EPHA4: variants seen among roughly 807,000 people sequenced by gnomAD.
EPHA4 encodes ephrin type-A receptor 4.
A neutral mutation model predicts 108.3 loss-of-function variants in EPHA4; 19 were observed. The ratio of observed to expected loss-of-function variants is 0.18; its 90% confidence interval spans 0.12 to 0.26. The LOEUF is 0.26. Among genes scored for constraint, EPHA4 ranks in the 10% least tolerant of loss-of-function variants. The pLI is 1.00. For synonymous variants in EPHA4, 449 were observed against 455.5 expected (o/e 0.99, Z 0.18); for missense variants, 917 against 1,254.0 (o/e 0.73, Z 4.06).
At chr2:221,513,255 C>T (rs1212037334) in intron 3 of EPHA4, among the ~76,000 whole-genome samples, 1 of 152,184 alleles carries the variant, frequency 6.6e-6, no homozygotes, top group Non-Finnish European at 1.5e-5. Flanking sequence ...ATATCTTACA[C>T]TTGCTCAGCT....
At chr2:221,553,221 A>G (rs1694213398) in intron 3 of EPHA4, among the ~76,000 whole-genome samples, 1 of 152,238 alleles carries the variant, frequency 6.6e-6, no homozygotes, top group Non-Finnish European at 1.5e-5. Flanking sequence ...TCATTCATCA[A>G]AAGCAATAAT....
intron 5 of EPHA4, among the ~76,000 whole-genome samples, chr2:221,459,291 C>CA (rs1691067767): frequency 7.1e-6 from 1 of 141,170 alleles, no homozygotes. Context: ...AACAGGCGCA[C>CA]ACACACACAC....
chr2:221,483,606 C>T (rs542011772), intron 4 of EPHA4, among the ~76,000 whole-genome samples: 4 of 151,832 alleles, frequency 2.6e-5, no homozygotes, highest in Admixed American at 1.3e-4. Flanking sequence ...ACTTTCACCT[C>T]CCAGGTTCAA....
At chr2:221,430,205 G>C (rs1690031623) in intron 14 of EPHA4, 54 bp from the exon 15 acceptor site, 3 of 1,528,250 alleles carry the variant, frequency 2.0e-6, no homozygotes, top group Non-Finnish European at 1.8e-6. Context: ...TGCTGTTCAA[G>C]GTTCACCCTT....
chr2:221,495,242 G>C (rs1692266015), intron 4 of EPHA4, among the ~76,000 whole-genome samples: 1 of 152,168 alleles, frequency 6.6e-6, no homozygotes. Context: ...TCCATGAAGG[G>C]AGAATGATCA....
intron 3 of EPHA4, among the ~76,000 whole-genome samples, chr2:221,536,427 G>A (rs752723672): frequency 6.6e-5 from 10 of 152,184 alleles, no homozygotes; most frequent in African/African-American, 1.7e-4. Flanking sequence ...CCAGATTACC[G>A]GCCTTACGAT....
At chr2:221,486,022 T>C (rs1267126085) in intron 4 of EPHA4, among the ~76,000 whole-genome samples, 1 of 152,214 alleles carries the variant, frequency 6.6e-6, no homozygotes, top group Non-Finnish European at 1.5e-5. Flanking sequence ...ATGTAAGTAT[T>C]GTGTCTGGCT....
chr2:221,455,612 C>A lies in EPHA4; in HGVS notation c.1650G>T (p.Leu550=). The part of the protein sequence containing the change: ...IGDGANSTVL[L]VSVSGSVVLV... Reference sequence around the variant, plus strand: ...GCACCACACTGCCCGAGACAGAGACCAGAAGGACTGTGGAGTTAGCCCCAT... The same window carrying A: ...GCACCACACTGCCCGAGACAGAGACAAGAAGGACTGTGGAGTTAGCCCCAT... Residue 550 remains leucine, a synonymous_variant, in exon 8 of 18, where the codon CTG becomes CTT. Coordinates refer to ENST00000281821, the MANE Select transcript of EPHA4 (RefSeq NM_004438.5). The A allele has an allele frequency of 1.2e-6, 2 of 1,613,904 alleles. No individual in the cohort carries two copies. Among genetic ancestry groups the A allele is most frequent in the Non-Finnish European group, 1.7e-6 (2 of 1,179,898 alleles).
Position 221,455,531 on chromosome 2 carries a change from T to A in EPHA4, c.1715+16A>T, listed in dbSNP as rs766190671. 2.5e-6 allele frequency: 4 copies of A among 1,584,298 alleles called. No homozygotes were observed. The Admixed American group carries it at 5.0e-5, about 20-fold the overall frequency. On this transcript the variant is annotated intron_variant, in intron 8 of 17. Transcript: ENST00000281821. ...GGAAGGTCGGGGGCTGCACAGTGAGTGGCTTCAGTGCTTACCTCCGGCTGA... is the reference window on the plus strand; with the variant it reads ...GGAAGGTCGGGGGCTGCACAGTGAGAGGCTTCAGTGCTTACCTCCGGCTGA...
At chr2:221,513,586 A>C (rs1692896909) in intron 3 of EPHA4, among the ~76,000 whole-genome samples, 1 of 152,198 alleles carries the variant, frequency 6.6e-6, no homozygotes. Flanking sequence ...GTTATTAGCA[A>C]CGTATTACGA....
At chr2:221,509,732 AAG>A (rs1279358170) in intron 3 of EPHA4, among the ~76,000 whole-genome samples, 16 of 152,382 alleles carry the variant, frequency 1.0e-4, no homozygotes, top group African/African-American at 3.6e-4. Flanking sequence ...GCAAGAATGT[AAG>A]TAAAGAATGA....
chr2:221,523,015 G>C (rs370216629), intron 3 of EPHA4, among the ~76,000 whole-genome samples: 1 of 151,920 alleles, frequency 6.6e-6, no homozygotes, highest in African/African-American at 2.4e-5. Context: ...CGCCTGCGTC[G>C]GCCTCCCAAA....
At chr2:221,461,299 C>T (rs1161982918) in intron 5 of EPHA4, among the ~76,000 whole-genome samples, 2 of 152,196 alleles carry the variant, frequency 1.3e-5, no homozygotes, top group African/African-American at 2.4e-5. Context: ...CAATGCCTAA[C>T]CCAAATGTCT....
intron 9 of EPHA4, among the ~76,000 whole-genome samples, chr2:221,445,430 G>A (rs1294260389): frequency 1.3e-5 from 2 of 151,656 alleles, no homozygotes; most frequent in Non-Finnish European, 2.9e-5. Flanking sequence ...TCTACTAAAA[G>A]TACAAAAAAA....
chr2:221,440,152 G>A (rs1559240983), intron 11 of EPHA4, among the ~76,000 whole-genome samples: 1 of 152,196 alleles, frequency 6.6e-6, no homozygotes, highest in South Asian at 2.1e-4. Context: ...GGATGCAGTG[G>A]GGAGGAAAGG....
chr2:221,475,317 A>G (rs13009679), intron 5 of EPHA4, among the ~76,000 whole-genome samples: 83,153 of 152,156 alleles, frequency 0.55, 22,886 homozygotes, highest in Non-Finnish European at 0.56. Flanking sequence ...AATGGGAAAA[A>G]ATTTGTGGTT....
intron 3 of EPHA4, among the ~76,000 whole-genome samples, chr2:221,518,458 G>A (rs1574629120): frequency 6.6e-6 from 1 of 152,196 alleles, no homozygotes; most frequent in Non-Finnish European, 1.5e-5. Flanking sequence ...CTGCAAATAC[G>A]CCCATCCTGT....
At chr2:221,556,704 T>G (rs918930643) in intron 3 of EPHA4, among the ~76,000 whole-genome samples, 4 of 152,076 alleles carry the variant, frequency 2.6e-5, no homozygotes, top group African/African-American at 9.7e-5. Context: ...TCTGTGGTTT[T>G]GCCTACCGAA....
In EPHA4 at chr2:221,452,121, G is replaced by A. The variant is rs181798935; in HGVS notation, c.1715+3426C>T. Among the ~76,000 whole-genome samples the A allele has an allele frequency of 1.2e-3, 177 of 152,330 alleles. 1 individual carries two copies. Among genetic ancestry groups the A allele is most frequent in the African/African-American group, 3.9e-3 (161 of 41,576 alleles). ...AAGGACTGAAACTTTCTCACTACGT[G>A]AGTTTCTGTCCATTGACTTCCTTAG... On this transcript the variant is annotated intron_variant, in intron 8 of 17. Transcript: ENST00000281821.
Sources: allele counts gnomAD v4.1 joint callset (sites outside exome capture counted in the v4.1 genomes callset), GRCh38; gene constraint gnomAD v4.1.1; transcripts MANE v1.5; gene names NCBI Gene and HGNC (gene_info 2026-07-23, HGNC 2026-07-21).